Variants in DTNB observed in about 807,000 individuals in gnomAD.
DTNB encodes the protein DTN-B.
Under a neutral mutation model 90.7 loss-of-function variants are expected in DTNB, and 63 were observed. The observed-to-expected ratio is 0.69, with a 90% confidence interval of 0.57 to 0.86. The LOEUF is 0.86. Among genes scored for constraint, DTNB ranks in the 40% least tolerant of loss-of-function variants. The pLI is 0.00. For missense variants in DTNB, 744 were observed against 807.1 expected (o/e 0.92, Z 0.95); for synonymous variants, 277 against 286.7 (o/e 0.97, Z 0.34).
chr2:25,614,333 A>C (rs1231656870), intron 4 of DTNB, among the ~76,000 whole-genome samples: 1 of 152,204 alleles, frequency 6.6e-6, no homozygotes. Flanking sequence ...CAGCTGGTGA[A>C]ATAAGACAAG....
rs182356792 is a variant in DTNB at position 25,480,919 on chromosome 2, T to C, written c.1079+1877A>G. On this transcript the variant is annotated intron_variant, in intron 10 of 20. Transcript: ENST00000406818. ...ATCTAGGTAGGTGGGACAGGCTTAATTGCTTTGTATTCGTCCATAAAAATT... is the reference window on the plus strand; with the variant it reads ...ATCTAGGTAGGTGGGACAGGCTTAACTGCTTTGTATTCGTCCATAAAAATT... Among the ~76,000 whole-genome samples, 41 of 152,312 alleles carry C rather than the reference T, an allele frequency of 2.7e-4. No individual in the cohort carries two copies. The East Asian group carries it at 7.5e-3, about 28-fold the overall frequency.
intron 9 of DTNB, among the ~76,000 whole-genome samples, chr2:25,495,158 C>G (rs1022017051): frequency 6.6e-6 from 1 of 152,076 alleles, no homozygotes; most frequent in African/African-American, 2.4e-5. Flanking sequence ...CTCCACCTCC[C>G]AGGCTCAAGT....
At chr2:25,449,858 G>A (rs1208319170) in intron 12 of DTNB, among the ~76,000 whole-genome samples, 2 of 151,456 alleles carry the variant, frequency 1.3e-5, no homozygotes, top group East Asian at 3.9e-4. Context: ...CACCTCCCAG[G>A]TTCATGCCAT....
chr2:25,470,086 C>T (rs1363632787), intron 10 of DTNB, among the ~76,000 whole-genome samples: 8 of 152,102 alleles, frequency 5.3e-5, no homozygotes, highest in Admixed American at 3.3e-4. Context: ...CTGTGTCCTC[C>T]ACAATAAATG....
intron 1 of DTNB, among the ~76,000 whole-genome samples, chr2:25,655,069 C>T (rs2081802243): frequency 6.6e-6 from 1 of 152,232 alleles, no homozygotes; most frequent in Admixed American, 6.5e-5. Context: ...CCAGGCTACG[C>T]TAAGGTCTAA....
At chr2:25,573,122 A>T (rs138820133) in intron 8 of DTNB, among the ~76,000 whole-genome samples, 11,636 of 151,938 alleles carry the variant, frequency 0.077, 1,418 homozygotes, top group African/African-American at 0.26. Context: ...ATTTTTTGTA[A>T]TTTTAGTAGA....
At chr2:25,408,124 A>G (rs1023496237) in intron 16 of DTNB, among the ~76,000 whole-genome samples, 2 of 151,944 alleles carry the variant, frequency 1.3e-5, no homozygotes, top group Admixed American at 6.6e-5. Flanking sequence ...TGACCAACGT[A>G]GAGAAACCCC....
At chr2:25,454,461 T>A (rs912890296) in intron 11 of DTNB, among the ~76,000 whole-genome samples, 1 of 152,190 alleles carries the variant, frequency 6.6e-6, no homozygotes, top group Non-Finnish European at 1.5e-5. Context: ...TGGTTTTCTC[T>A]CTAAGAACAA....
intron 8 of DTNB, among the ~76,000 whole-genome samples, chr2:25,574,576 T>C (rs368723118): frequency 3.9e-5 from 6 of 152,312 alleles, no homozygotes; most frequent in Admixed American, 6.5e-5. Context: ...TATGAGCATA[T>C]AGAAACATTT....
chr2:25,520,474 C>T (rs2075956191), intron 9 of DTNB, among the ~76,000 whole-genome samples: 1 of 152,174 alleles, frequency 6.6e-6, no homozygotes, highest in Admixed American at 6.5e-5. Context: ...CAGACTCATC[C>T]ATCATTTTAA....
intron 1 of DTNB, among the ~76,000 whole-genome samples, chr2:25,668,108 G>A (rs1421351778): frequency 3.9e-5 from 6 of 152,036 alleles, no homozygotes; most frequent in African/African-American, 1.2e-4. Context: ...GCATGGTGGC[G>A]GACGCCTGTA....
At chr2:25,508,611 C>T (rs1256187576) in intron 9 of DTNB, among the ~76,000 whole-genome samples, 1 of 148,756 alleles carries the variant, frequency 6.7e-6, no homozygotes, top group Non-Finnish European at 1.5e-5. Context: ...CTTGGCTCAC[C>T]ACAACCTCCG....
chr2:25,570,052 G>A (rs1294996234), intron 8 of DTNB, among the ~76,000 whole-genome samples: 1 of 150,356 alleles, frequency 6.7e-6, no homozygotes, highest in Admixed American at 6.6e-5. Flanking sequence ...AGCCGAGATC[G>A]TGCCCCTGCA....
At chr2:25,669,120 G>A (rs751093563) in intron 1 of DTNB, among the ~76,000 whole-genome samples, 38 of 152,092 alleles carry the variant, frequency 2.5e-4, no homozygotes, top group Non-Finnish European at 4.1e-4. Context: ...GGCGCTGAGG[G>A]AAGAATGGGG....
rs143796024 is a variant in DTNB at position 25,391,185 on chromosome 2, C to T, written c.1576-2824G>A. ...TGCTGGGATTACAGGTGTGAGCCAC[C>T]GCGCCTGGCCTAGGCAATGACTTTT... On this transcript the variant is annotated intron_variant, in intron 16 of 20. Coordinates refer to ENST00000406818, the MANE Select transcript of DTNB (RefSeq NM_021907.5). Among the ~76,000 whole-genome samples the T allele has an allele frequency of 5.0e-3, 758 of 152,174 alleles. 5 individuals carry two copies. Among genetic ancestry groups the T allele is most frequent in the African/African-American group, 0.015 (612 of 41,494 alleles).
chr2:25,648,507 AC>A (rs2080038972), intron 2 of DTNB, among the ~76,000 whole-genome samples: 2 of 152,166 alleles, frequency 1.3e-5, no homozygotes, highest in South Asian at 2.1e-4. Flanking sequence ...CTGCACATGT[AC>A]CCCCTGAATC....
intron 8 of DTNB, among the ~76,000 whole-genome samples, chr2:25,566,400 C>A (rs957451677): frequency 6.6e-6 from 1 of 152,230 alleles, no homozygotes; most frequent in African/African-American, 2.4e-5. Flanking sequence ...CTGGAGTAGA[C>A]AGCCTGGACT....
At chr2:25,527,319 T>A (rs1441275617) in intron 9 of DTNB, among the ~76,000 whole-genome samples, 1 of 152,010 alleles carries the variant, frequency 6.6e-6, no homozygotes, top group Non-Finnish European at 1.5e-5. Context: ...GGTCAAGAGA[T>A]CAAGACTATT....
At chr2:25,419,147 A>G (rs2048675370) in intron 16 of DTNB, 1 of 268,542 alleles carries the variant, frequency 3.7e-6, no homozygotes, top group Non-Finnish European at 7.1e-6. Context: ...ACATTCATTC[A>G]TGACATGAGG....
Sources: allele counts gnomAD v4.1 joint callset (sites outside exome capture counted in the v4.1 genomes callset), GRCh38; gene constraint gnomAD v4.1.1; transcripts MANE v1.5; gene names NCBI Gene and HGNC (gene_info 2026-07-23, HGNC 2026-07-21).